PAFAH1B1: variants seen among roughly 807,000 people sequenced by gnomAD.
PAFAH1B1 encodes the protein platelet-activating factor acetylhydrolase IB subunit beta.
A neutral mutation model predicts 57.5 loss-of-function variants in PAFAH1B1; 2 were observed. The observed-to-expected ratio is 0.03, with a 90% confidence interval of 0.01 to 0.11. The LOEUF is 0.11. PAFAH1B1 is among the 10% of genes least tolerant of loss of function. The pLI, the probability that PAFAH1B1 is intolerant of heterozygous loss-of-function variation, is 1.00. For synonymous variants in PAFAH1B1, 152 were observed against 169.6 expected, an observed-to-expected ratio of 0.90 and a Z score of 0.81; for missense variants, 257 against 512.0, an observed-to-expected ratio of 0.50 and a Z score of 4.81.
intron 6 of PAFAH1B1, among the ~76,000 whole-genome samples, 175 bp from the exon 7 acceptor site, chr17:2,672,479 AT>A (rs1425794188): frequency 1.3e-5 from 2 of 151,856 alleles, no homozygotes; most frequent in South Asian, 4.2e-4. Context: ...TGTTTTACTG[AT>A]TTTTTTAACT....
chr17:2,616,265 A>G (rs2068339104), intron 1 of PAFAH1B1, among the ~76,000 whole-genome samples: 1 of 152,178 alleles, frequency 6.6e-6, no homozygotes, highest in Non-Finnish European at 1.5e-5. Context: ...TAACGGTTCT[A>G]TATTATAGAA....
intron 9 of PAFAH1B1, 198 bp from the exon 10 acceptor site, chr17:2,679,966 C>T: frequency 1.7e-6 from 1 of 591,742 alleles, no homozygotes; most frequent in Non-Finnish European, 3.0e-6. Flanking sequence ...TCATCCAGGA[C>T]CCAGTCAGGG....
intron 1 of PAFAH1B1, chr17:2,614,047 CGTG>C (rs1878673979): frequency 2.1e-5 from 1 of 48,460 alleles, no homozygotes; most frequent in African/African-American, 1.2e-4. Context: ...TTTTTTGAGA[CGTG>C]GGTCTGGCTC....
intron 1 of PAFAH1B1, among the ~76,000 whole-genome samples, chr17:2,625,409 A>T (rs1438857578): frequency 6.6e-6 from 1 of 152,232 alleles, no homozygotes; most frequent in African/African-American, 2.4e-5. Context: ...CTTAAAATAC[A>T]TGCAATATTT....
chr17:2,678,816 T>C (rs1385958344), intron 9 of PAFAH1B1, among the ~76,000 whole-genome samples: 3 of 151,842 alleles, frequency 2.0e-5, no homozygotes, highest in Non-Finnish European at 4.4e-5. Context: ...ACCCAGGAAT[T>C]TGAGGCTTTA....
chr17:2,624,372 C>A (rs891688938), intron 1 of PAFAH1B1, among the ~76,000 whole-genome samples: 2 of 152,164 alleles, frequency 1.3e-5, no homozygotes, highest in Non-Finnish European at 2.9e-5. Context: ...TCTACTGTTA[C>A]CAGTTTACTG....
intron 3 of PAFAH1B1, 76 bp from the exon 4 acceptor site, chr17:2,665,940 C>A: frequency 7.7e-7 from 1 of 1,306,302 alleles, no homozygotes; most frequent in Non-Finnish European, 1.0e-6. Context: ...AATATTTGGA[C>A]TTAAAGATGA....
chr17:2,681,644 T>A, intron 10 of PAFAH1B1, 85 bp from the exon 11 acceptor site: 4 of 1,054,054 alleles, frequency 3.8e-6, no homozygotes, highest in Non-Finnish European at 5.8e-6. Flanking sequence ...TTTTTAATTT[T>A]GTATTTTGTA....
At chr17:2,604,997 T>A (rs2068189370) in intron 1 of PAFAH1B1, among the ~76,000 whole-genome samples, 1 of 152,196 alleles carries the variant, frequency 6.6e-6, no homozygotes, top group Non-Finnish European at 1.5e-5. Context: ...ATTGTGTAGC[T>A]TGTAGGCAAG....
At chr17:2,628,127 G>A (rs961968712) in intron 1 of PAFAH1B1, among the ~76,000 whole-genome samples, 2 of 152,090 alleles carry the variant, frequency 1.3e-5, no homozygotes, top group East Asian at 1.9e-4. Flanking sequence ...GAAGAGGAGC[G>A]GTGAGAGTGG....
intron 2 of PAFAH1B1, among the ~76,000 whole-genome samples, chr17:2,658,423 C>T (rs762738758): frequency 4.6e-5 from 7 of 152,088 alleles, no homozygotes; most frequent in Non-Finnish European, 1.0e-4. Context: ...AATCGAAATA[C>T]GAGAATGAAC....
intron 1 of PAFAH1B1, among the ~76,000 whole-genome samples, chr17:2,602,415 A>G (rs918618268): frequency 6.6e-6 from 1 of 152,188 alleles, no homozygotes; most frequent in African/African-American, 2.4e-5. Flanking sequence ...ACTTTTAAAA[A>G]CATTAGAAAT....
chr17:2,607,663 T>A (rs1268084203), intron 1 of PAFAH1B1, among the ~76,000 whole-genome samples: 1 of 151,924 alleles, frequency 6.6e-6, no homozygotes, highest in East Asian at 1.9e-4. Flanking sequence ...TTTGTACTTT[T>A]AGTAGAGACA....
chr17:2,685,569 AAAT>A lies in PAFAH1B1; in HGVS notation c.*3768_*3770del, dbSNP rs2069463207. 1.3e-5 allele frequency: 2 copies of A among 151,940 alleles called. No homozygotes were observed. The highest frequency in any genetic ancestry group is 4.8e-5 in the African/African-American group (2 of 41,342). The allele number at this position is 151,940 out of a possible 1,614,324, so 9.4% of individuals were successfully genotyped here. On this transcript the variant is annotated 3_prime_UTR_variant, in exon 11 of 11. Transcript: ENST00000397195. The stretch of plus-strand genomic sequence containing the variant: ...TTATTCATGTTTTCTGCATATTAAA[AAAT>A]CTTATTGTACCAACTGGTAAACTAT...
intron 2 of PAFAH1B1, among the ~76,000 whole-genome samples, chr17:2,654,099 G>A (rs918517065): frequency 6.6e-6 from 1 of 150,388 alleles, no homozygotes; most frequent in Non-Finnish European, 1.5e-5. Flanking sequence ...GAGCCACCAT[G>A]CCCGGCCAGT....
chr17:2,594,570 G>A (rs780398695), intron 1 of PAFAH1B1, among the ~76,000 whole-genome samples: 39 of 152,304 alleles, frequency 2.6e-4, no homozygotes, highest in Non-Finnish European at 4.3e-4. Context: ...CTTAAGATGG[G>A]GTTGACCAGC....
chr17:2,676,368 A>C (rs1475513363), intron 8 of PAFAH1B1, 137 bp from the exon 9 acceptor site: 3 of 657,090 alleles, frequency 4.6e-6, no homozygotes, highest in Non-Finnish European at 8.2e-6. Context: ...ACAGAGCCAG[A>C]CTCCGTCTGA....
intron 1 of PAFAH1B1, among the ~76,000 whole-genome samples, chr17:2,622,654 G>T (rs540451955): frequency 3.3e-5 from 5 of 152,116 alleles, no homozygotes; most frequent in Non-Finnish European, 5.9e-5. Context: ...TTTTCCAGGC[G>T]ACAGTGCAAG....
Position 2,672,681 on chromosome 17 carries a change from G to A in PAFAH1B1, c.595G>A (p.Ala199Thr). The change falls in exon 7 of 11, where the codon GCC becomes ACC. Residue 199 changes from alanine (A) to threonine (T), a missense_variant. Coordinates refer to ENST00000397195, the MANE Select transcript of PAFAH1B1 (RefSeq NM_000430.4). ...CCATGACCACAATGTTTCTTCAGTAGCCATCATGCCCAATGGAGATCATAT... is the reference window on the plus strand; with the variant it reads ...CCATGACCACAATGTTTCTTCAGTAACCATCATGCCCAATGGAGATCATAT... ...HGHDHNVSSVAIMPNGDHIVS... is the reference protein window; with the variant it reads ...HGHDHNVSSVTIMPNGDHIVS... 1 of 1,612,898 alleles carries A rather than the reference G, an allele frequency of 6.2e-7. No homozygotes were observed. Among genetic ancestry groups the A allele is most frequent in the South Asian group, 1.1e-5 (1 of 91,054 alleles).
Sources: allele counts gnomAD v4.1 joint callset (sites outside exome capture counted in the v4.1 genomes callset), GRCh38; gene constraint gnomAD v4.1.1; transcripts MANE v1.5; gene names NCBI Gene and HGNC (gene_info 2026-07-23, HGNC 2026-07-21).